PARD3B: variants seen among roughly 807,000 people sequenced by gnomAD.
PARD3B encodes the protein partitioning defective 3 homolog B.
Under a neutral mutation model 130.2 loss-of-function variants are expected in PARD3B, and 103 were observed. The ratio of observed to expected loss-of-function variants is 0.79; its 90% CI spans 0.67 to 0.93. PARD3B has a LOEUF of 0.93. Among genes scored for constraint, PARD3B ranks in the 40% least tolerant of loss-of-function variants. PARD3B has a pLI of 0.00. For synonymous variants in PARD3B, 583 were observed against 553.2 expected (o/e 1.05, Z -0.76); for missense variants, 1,609 against 1,499.2 (o/e 1.07, Z -1.21).
At position 205,268,597 on chromosome 2, in the gene PARD3B, TAGG is replaced by T. The variant is rs535482586; in HGVS notation, c.2185+22779_2185+22781del. Among the ~76,000 whole-genome samples the T allele has an allele frequency of 1.5e-3, 231 of 152,252 alleles. 1 individual carries two copies. Among genetic ancestry groups the T allele is most frequent in the Admixed American group, 1.6e-3 (24 of 15,280 alleles). On this transcript the variant is annotated intron_variant, in intron 16 of 22. Coordinates refer to ENST00000406610, the MANE Select transcript of PARD3B (RefSeq NM_001302769.2). This position sits in a 1 kb window ranked among gnomAD's most constrained non-coding sequence, Gnocchi z 4.1. ...GAAAGTGCTCTAATGCCACTAGTAT[TAGG>T]AGGCGGTAATTTGCAGATAAAAAGT...
chr2:205,042,206 T>C (rs1005115747), intron 3 of PARD3B, among the ~76,000 whole-genome samples: 1 of 152,186 alleles, frequency 6.6e-6, no homozygotes, highest in African/African-American at 2.4e-5. Context: ...CATGGATCAG[T>C]ACCTGGACCC....
chr2:204,746,301 G>C (rs1332297845), intron 2 of PARD3B, among the ~76,000 whole-genome samples: 10 of 151,722 alleles, frequency 6.6e-5, no homozygotes, highest in Non-Finnish European at 2.9e-5. Flanking sequence ...TCCCTACAAA[G>C]GACATGAACT....
chr2:205,523,656 T>C (rs1336084710), intron 21 of PARD3B, among the ~76,000 whole-genome samples: 1 of 152,128 alleles, frequency 6.6e-6, no homozygotes, highest in Non-Finnish European at 1.5e-5. Context: ...GTATTTAATA[T>C]ACAGTTGTGT....
intron 2 of PARD3B, among the ~76,000 whole-genome samples, chr2:204,749,778 G>C (rs1475184127): frequency 1.3e-5 from 2 of 152,160 alleles, no homozygotes; most frequent in Non-Finnish European, 2.9e-5. Context: ...AGCTGATAGT[G>C]GTAAAGGAAG....
At chr2:204,717,986 G>T (rs1399495268) in intron 2 of PARD3B, among the ~76,000 whole-genome samples, 1 of 152,106 alleles carries the variant, frequency 6.6e-6, no homozygotes, top group Non-Finnish European at 1.5e-5. Flanking sequence ...TGTCTTTTAA[G>T]GTTATGTGAA....
intron 10 of PARD3B, among the ~76,000 whole-genome samples, chr2:205,154,000 A>T (rs1053013484): frequency 1.3e-5 from 2 of 152,166 alleles, no homozygotes; most frequent in East Asian, 1.9e-4. Flanking sequence ...GGACTTCATG[A>T]ATAAAACACC....
At chr2:205,364,961 A>T (rs2044544898) in intron 18 of PARD3B, among the ~76,000 whole-genome samples, 1 of 151,966 alleles carries the variant, frequency 6.6e-6, no homozygotes, top group Admixed American at 6.6e-5. Context: ...CAGCACTTTG[A>T]GAGGCCAAGG....
chr2:204,844,725 C>A (rs2125593689), intron 2 of PARD3B, among the ~76,000 whole-genome samples: 1 of 152,212 alleles, frequency 6.6e-6, no homozygotes, highest in Admixed American at 6.5e-5. Context: ...TTCTTTTTAG[C>A]TCAAATCAAC....
chr2:205,054,114 A>T (rs1699425366), intron 4 of PARD3B, among the ~76,000 whole-genome samples: 1 of 151,882 alleles, frequency 6.6e-6, no homozygotes, highest in Non-Finnish European at 1.5e-5. Flanking sequence ...TTAATTTTTA[A>T]ATCAGTTATG....
rs543196900 is a variant in PARD3B at position 205,321,643 on chromosome 2, T to C, written c.2630+19942T>C. ...TCACTGTATCATTTTATTATACTTT[T>C]GAGATAAGTCAAGAGTTGGCCTCAA... On this transcript the variant is annotated intron_variant, in intron 18 of 22. Transcript: ENST00000406610. This position sits in a 1 kb window ranked among gnomAD's most constrained non-coding sequence, Gnocchi z 4.2. Among the ~76,000 whole-genome samples the C allele has an allele frequency of 1.1e-4, 17 of 152,304 alleles. No individual in the cohort carries two copies. The South Asian group carries it at 3.5e-3, about 32-fold the overall frequency.
rs571763041 is a variant in PARD3B, at chr2:205,128,616, A to G, written c.1434+2879A>G. The stretch of plus-strand genomic sequence containing the variant: ...TTGTGAAGATTAAATGAGATAATAC[A>G]GGCAAAGCTTGTAGCATAGTTTCTG... On this transcript the variant is annotated intron_variant, in intron 10 of 22. Coordinates refer to ENST00000406610, the MANE Select transcript of PARD3B (RefSeq NM_001302769.2). This position sits in a 1 kb window ranked among gnomAD's most constrained non-coding sequence, Gnocchi z 4.5. 6.6e-6 allele frequency among the ~76,000 whole-genome samples: 1 copy of G among 152,352 alleles called. No homozygotes were observed. The highest frequency in any genetic ancestry group is 2.4e-5 in the African/African-American group (1 of 41,600).
chr2:205,054,794 C>T (rs1029135934), intron 4 of PARD3B, among the ~76,000 whole-genome samples: 19 of 152,132 alleles, frequency 1.2e-4, no homozygotes, highest in Admixed American at 6.6e-4. Flanking sequence ...CTTACAACCT[C>T]GTTACAGAGA....
chr2:204,813,084 G>T (rs775920893), intron 2 of PARD3B, among the ~76,000 whole-genome samples: 1 of 152,130 alleles, frequency 6.6e-6, no homozygotes, highest in Non-Finnish European at 1.5e-5. Context: ...AATATCTAGA[G>T]AGGAATGGCT....
At chr2:204,684,067 A>AT (rs1280178277) in intron 1 of PARD3B, among the ~76,000 whole-genome samples, 1 of 152,066 alleles carries the variant, frequency 6.6e-6, no homozygotes, top group East Asian at 1.9e-4. Context: ...ATCTTTGGCT[A>AT]TTTTTTGAGT....
chr2:205,158,988 A>T lies in PARD3B; in HGVS notation c.1620+81A>T. The T allele has an allele frequency of 6.7e-7, 1 of 1,482,652 alleles. No individual in the cohort carries two copies. 91.8% of individuals were successfully genotyped at this position (1,482,652 alleles called of 1,614,324 possible). On this transcript the variant is annotated intron_variant, in intron 11 of 22. Coordinates refer to ENST00000406610, the MANE Select transcript of PARD3B (RefSeq NM_001302769.2). This position sits in a 1 kb window ranked among gnomAD's most constrained non-coding sequence, Gnocchi z 5.4. ...TTGTACTTAGAGACTGAATGGAGAA[A>T]GTGTCTGAAGACTTGAGGCCACTGA...
intron 2 of PARD3B, among the ~76,000 whole-genome samples, chr2:204,758,274 T>C (rs2125402688): frequency 6.6e-6 from 1 of 152,190 alleles, no homozygotes. Flanking sequence ...CTAAAACAAG[T>C]CATGTGCCCA....
chr2:204,999,449 C>G (rs765922725), intron 3 of PARD3B, among the ~76,000 whole-genome samples: 4 of 152,168 alleles, frequency 2.6e-5, no homozygotes, highest in East Asian at 1.9e-4. Context: ...CACTAACTTG[C>G]TATAGAATGT....
At chr2:205,526,300 G>A (rs2051334442) in intron 21 of PARD3B, among the ~76,000 whole-genome samples, 1 of 152,146 alleles carries the variant, frequency 6.6e-6, no homozygotes, top group Non-Finnish European at 1.5e-5. Context: ...CACAGGTCTG[G>A]CCCACTCAAC....
chr2:204,748,814 T>C (rs1262517854), intron 2 of PARD3B, among the ~76,000 whole-genome samples: 1 of 152,176 alleles, frequency 6.6e-6, no homozygotes, highest in Admixed American at 6.5e-5. Flanking sequence ...TATTTAATGC[T>C]AACATTCTAA....
Sources: allele counts gnomAD v4.1 joint callset (sites outside exome capture counted in the v4.1 genomes callset), GRCh38; gene constraint gnomAD v4.1.1; non-coding constraint Gnocchi (gnomAD v3.1); transcripts MANE v1.5; gene names NCBI Gene and HGNC (gene_info 2026-07-23, HGNC 2026-07-21).